The following CPEB2 variants were observed in gnomAD, a reference collection of about 807,000 sequenced individuals.
The protein encoded by CPEB2 is cytoplasmic polyadenylation element binding protein 2.
In CPEB2, 56 loss-of-function variants were observed where a neutral mutation model predicts 93.6. That is an observed-to-expected ratio of 0.60 (90% confidence interval 0.48 to 0.75). The LOEUF (loss-of-function observed/expected upper bound fraction) is 0.75. Ranked by LOEUF, CPEB2 falls within the 30% of genes least tolerant of loss-of-function variation. CPEB2 has a pLI of 0.00. For synonymous variants in CPEB2, 764 were observed against 586.3 expected, an observed-to-expected ratio of 1.30 and a Z score of -4.38; for missense variants, 1,579 against 1,395.1, an observed-to-expected ratio of 1.13 and a Z score of -2.10.
At chr4:15,025,729 A>G (rs1725374940) in intron 4 of CPEB2, among the ~76,000 whole-genome samples, 1 of 151,990 alleles carries the variant, frequency 6.6e-6, no homozygotes, top group Non-Finnish European at 1.5e-5. Flanking sequence ...AGTTATAACC[A>G]GAGCTTCTGA....
chr4:15,032,563 T>TG (rs1241566039), intron 4 of CPEB2, among the ~76,000 whole-genome samples: 1 of 115,926 alleles, frequency 8.6e-6, no homozygotes, highest in Non-Finnish European at 2.0e-5. Context: ...GCTTTAATTT[T>TG]TTTTATATTT....
intron 4 of CPEB2, among the ~76,000 whole-genome samples, chr4:15,029,877 C>T (rs1725893599): frequency 6.6e-6 from 1 of 152,062 alleles, no homozygotes; most frequent in Admixed American, 6.6e-5. Context: ...GGAAGGTCTT[C>T]CCTTTTAAGG....
intron 6 of CPEB2, among the ~76,000 whole-genome samples, chr4:15,046,949 T>C (rs1274344327): frequency 6.6e-6 from 1 of 152,236 alleles, no homozygotes; most frequent in African/African-American, 2.4e-5. Context: ...TCTGTGATCC[T>C]TCTTGGATTT....
chr4:15,041,146 A>G (rs1454605876), intron 6 of CPEB2, among the ~76,000 whole-genome samples: 1 of 152,072 alleles, frequency 6.6e-6, no homozygotes, highest in Non-Finnish European at 1.5e-5. Flanking sequence ...CAAGACTATT[A>G]TTGAACTTCC....
intron 11 of CPEB2, among the ~76,000 whole-genome samples, chr4:15,065,852 C>G (rs1729657270): frequency 6.6e-6 from 1 of 152,084 alleles, no homozygotes; most frequent in Non-Finnish European, 1.5e-5. Context: ...TCTTCCATGA[C>G]TACTTGATAT....
chr4:15,003,575 T>C lies in CPEB2; in HGVS notation c.902T>C (p.Leu301Ser), dbSNP rs919160184. ...GCCGCCGAGTCCCCCAATGCGGGCT[T>C]GGCCTCCTCGACGCCGGTGAACCCC... is the stretch of plus-strand genomic sequence containing the variant. ...GSAAESPNAG[L>S]ASSTPVNPAP... The change falls in exon 1 of 12, where the codon TTG becomes TCG. Residue 301 changes from leucine (L) to serine (S), a missense_variant. By Grantham distance (145) the Leu-to-Ser change is moderately radical. This residue lies in a region of CPEB2 where 1,411 missense variants were observed against 1,056.0 expected (regional missense o/e 1.34). Coordinates refer to ENST00000538197, the MANE Select transcript of CPEB2 (RefSeq NM_001177382.2). 1 of 1,474,160 alleles carries C rather than the reference T, an allele frequency of 6.8e-7. No homozygotes were observed. Among genetic ancestry groups the C allele is most frequent in the Non-Finnish European group, 9.0e-7 (1 of 1,117,074 alleles). The allele number at this position is 1,474,160 out of a possible 1,614,324, so 91.3% of individuals were successfully genotyped here. A position where few individuals can be genotyped will look rare whatever the true frequency, so the allele number is the denominator to read the frequency against.
chr4:15,002,901 G>A lies in CPEB2; in HGVS notation c.228G>A (p.Pro76=). The A allele has an allele frequency of 6.6e-7, 1 of 1,507,406 alleles. No homozygotes were observed. Among genetic ancestry groups the A allele is most frequent in the Non-Finnish European group, 8.8e-7 (1 of 1,138,936 alleles). The allele number at this position is 1,507,406 out of a possible 1,614,324, so 93.4% of individuals were successfully genotyped here. ...SVPLGGGAGS[P]AAAASSSSPF... ...CCCTCGGCGGCGGCGCGGGCAGCCC[G>A]GCCGCCGCCGCTTCCTCTTCCTCCC... Residue 76 remains proline, a synonymous_variant, in exon 1 of 12, where the codon CCG becomes CCA. Transcript: ENST00000538197.
chr4:15,058,190 C>T (rs937988688), intron 8 of CPEB2, among the ~76,000 whole-genome samples: 16 of 152,152 alleles, frequency 1.1e-4, no homozygotes, highest in Non-Finnish European at 1.6e-4. Context: ...TAAGTTAATA[C>T]AGTATCTGAT....
At chr4:15,011,164 G>C (rs1443095708) in intron 3 of CPEB2, among the ~76,000 whole-genome samples, 1 of 143,180 alleles carries the variant, frequency 7.0e-6, no homozygotes, top group East Asian at 2.1e-4. Flanking sequence ...GCAGTGGCAC[G>C]ATCTCGTCTC....
intron 3 of CPEB2, among the ~76,000 whole-genome samples, chr4:15,016,339 G>A (rs1036163322): frequency 6.6e-6 from 1 of 151,940 alleles, no homozygotes; most frequent in Non-Finnish European, 1.5e-5. Flanking sequence ...CCTTTTTTCA[G>A]GTACACTGAG....
chr4:15,048,222 A>C (rs747198683), intron 6 of CPEB2, among the ~76,000 whole-genome samples: 4 of 151,886 alleles, frequency 2.6e-5, no homozygotes, highest in Non-Finnish European at 4.4e-5. Context: ...TTAGTATTGC[A>C]CTTGTAAAAA....
At chr4:15,022,613 A>G (rs1392414076) in intron 4 of CPEB2, among the ~76,000 whole-genome samples, 1 of 152,054 alleles carries the variant, frequency 6.6e-6, no homozygotes, top group Non-Finnish European at 1.5e-5. Flanking sequence ...TCTTCATTCT[A>G]TAGACTCCTG....
intron 6 of CPEB2, among the ~76,000 whole-genome samples, chr4:15,045,840 A>G (rs1247168470): frequency 6.6e-6 from 1 of 152,190 alleles, no homozygotes. Flanking sequence ...TTCATAAGTA[A>G]TTACTTTTAA....
chr4:15,053,409 TAGGAAA>T, intron 7 of CPEB2, among the ~76,000 whole-genome samples: 1 of 152,248 alleles, frequency 6.6e-6, no homozygotes, highest in South Asian at 2.1e-4. Context: ...AGAACATGAA[TAGGAAA>T]TTAGGGTTTC....
chr4:15,026,274 TG>T (rs1337433812), intron 4 of CPEB2, among the ~76,000 whole-genome samples: 2 of 151,890 alleles, frequency 1.3e-5, no homozygotes, highest in Non-Finnish European at 2.9e-5. Flanking sequence ...TCACCCAGGC[TG>T]GAGTGCAGTG....
At chr4:15,028,240 G>C (rs1413230747) in intron 4 of CPEB2, among the ~76,000 whole-genome samples, 2 of 151,684 alleles carry the variant, frequency 1.3e-5, no homozygotes, top group Non-Finnish European at 1.5e-5. Context: ...TTGGCAAAGA[G>C]CAATAAGCAG....
intron 7 of CPEB2, among the ~76,000 whole-genome samples, chr4:15,053,430 A>G (rs1234281612): frequency 6.6e-6 from 1 of 152,208 alleles, no homozygotes; most frequent in Non-Finnish European, 1.5e-5. Flanking sequence ...GGTTTCACAA[A>G]CACTAGTAAT....
Position 15,003,135 on chromosome 4 carries a change from C to T in CPEB2, c.462C>T (p.Ser154=), listed in dbSNP as rs1460152075. 2 of 1,529,864 alleles carry T rather than the reference C, an allele frequency of 1.3e-6. No homozygotes were observed. Among genetic ancestry groups the T allele is most frequent in the Non-Finnish European group, 1.7e-6 (2 of 1,144,330 alleles). The allele number at this position is 1,529,864 out of a possible 1,614,324, so 94.8% of individuals were successfully genotyped here. ...ACCCCTCCTCCTCCTCCGCCTCCTC[C>T]TGCTGCTGCTGCCGCACCTCCTCCC... ...LHHPSSSSAS[S]CCCCRTSSPQ... is the part of the protein sequence containing the mutation. The change falls in exon 1 of 12, where the codon TCC becomes TCT. Residue 154 remains serine (S), a synonymous_variant. Coordinates refer to ENST00000538197, the MANE Select transcript of CPEB2 (RefSeq NM_001177382.2).
At chr4:15,040,921 C>A (rs1267348335) in intron 6 of CPEB2, among the ~76,000 whole-genome samples, 2 of 152,134 alleles carry the variant, frequency 1.3e-5, no homozygotes, top group African/African-American at 4.8e-5. Flanking sequence ...AAATAACACA[C>A]ACCAAATAGA....
Sources: allele counts gnomAD v4.1 joint callset (sites outside exome capture counted in the v4.1 genomes callset), GRCh38; gene constraint gnomAD v4.1.1; regional missense constraint gnomAD v4.1.1; transcripts MANE v1.5; gene names NCBI Gene and HGNC (gene_info 2026-07-23, HGNC 2026-07-21).